DEPTOR: variants seen among roughly 807,000 people sequenced by gnomAD.
DEPTOR encodes DEP domain-containing mTOR-interacting protein.
DEPTOR carries 41 observed loss-of-function variants against 41.6 expected under a neutral mutation model. The ratio of observed to expected loss-of-function variants is 0.98; its 90% CI spans 0.77 to 1.28. The LOEUF (loss-of-function observed/expected upper bound fraction) is 1.28, where lower values mean the gene tolerates loss of function less well. Among genes scored for constraint, DEPTOR ranks in the 50% most tolerant of loss-of-function variants. The probability of loss-of-function intolerance (pLI) is 0.00; values close to 1 mark genes in which losing one functional copy is unlikely to be tolerated. For synonymous variants in DEPTOR, 195 were observed against 192.3 expected, an observed-to-expected ratio of 1.01 and a Z score of -0.12; for missense variants, 514 against 527.9, an observed-to-expected ratio of 0.97 and a Z score of 0.26.
At chr8:120,012,377 G>A (rs769611220) in intron 8 of DEPTOR, among the ~76,000 whole-genome samples, 6 of 152,118 alleles carry the variant, frequency 3.9e-5, no homozygotes, top group Non-Finnish European at 8.8e-5. Flanking sequence ...TATAAACACT[G>A]TACAGCATGT....
intron 2 of DEPTOR, among the ~76,000 whole-genome samples, chr8:119,929,552 C>T (rs760154938): frequency 5.7e-4 from 86 of 152,028 alleles, no homozygotes; most frequent in Middle Eastern, 3.2e-3. Context: ...ATTGTGTGAA[C>T]TTCCTAAATA....
At chr8:120,008,924 T>A in intron 7 of DEPTOR, 105 bp from the exon 8 acceptor site, 11 of 984,992 alleles carry the variant, frequency 1.1e-5, no homozygotes, top group Non-Finnish European at 1.7e-5. Flanking sequence ...GAGGAAAATA[T>A]GTCACAGTGT....
chr8:119,917,740 TA>T (rs1489268480), intron 1 of DEPTOR, among the ~76,000 whole-genome samples: 1 of 152,110 alleles, frequency 6.6e-6, no homozygotes, highest in Non-Finnish European at 1.5e-5. Flanking sequence ...GGAGGATTAG[TA>T]AAAGAGGAAG....
At chr8:120,005,196 C>G (rs1212060130) in intron 6 of DEPTOR, among the ~76,000 whole-genome samples, 1 of 152,128 alleles carries the variant, frequency 6.6e-6, no homozygotes, top group Non-Finnish European at 1.5e-5. Context: ...AGTTACCTGA[C>G]AGGGAATAAA....
intron 1 of DEPTOR, among the ~76,000 whole-genome samples, chr8:119,919,692 C>T (rs1827865944): frequency 6.6e-6 from 1 of 152,172 alleles, no homozygotes; most frequent in Non-Finnish European, 1.5e-5. Context: ...TAAAGCATAT[C>T]TATGTCAGTA....
intron 8 of DEPTOR, among the ~76,000 whole-genome samples, chr8:120,029,518 C>T (rs560712054): frequency 6.6e-5 from 10 of 152,188 alleles, no homozygotes; most frequent in African/African-American, 2.4e-4. Context: ...GTCTCAGCCA[C>T]CGAAATAGCT....
intron 8 of DEPTOR, among the ~76,000 whole-genome samples, chr8:120,022,602 T>A (rs1307892487): frequency 6.6e-6 from 1 of 152,196 alleles, no homozygotes; most frequent in African/African-American, 2.4e-5. Flanking sequence ...TCCAAATAAC[T>A]AGTGTGAGGC....
At chr8:119,947,411 T>C in intron 3 of DEPTOR, among the ~76,000 whole-genome samples, 1 of 152,212 alleles carries the variant, frequency 6.6e-6, no homozygotes, top group East Asian at 1.9e-4. Flanking sequence ...TAGTCCATGC[T>C]GAGATGGTTG....
intron 1 of DEPTOR, among the ~76,000 whole-genome samples, chr8:119,928,151 G>A (rs1296642789): frequency 1.3e-5 from 2 of 152,050 alleles, no homozygotes; most frequent in African/African-American, 4.8e-5. Context: ...TCTCAGGAGT[G>A]GCAGGAGGGT....
At chr8:120,016,266 C>G (rs1812609750) in intron 8 of DEPTOR, among the ~76,000 whole-genome samples, 1 of 151,996 alleles carries the variant, frequency 6.6e-6, no homozygotes. Context: ...TACCATCACA[C>G]TGGGGGTTAG....
At chr8:119,995,345 G>C (rs1812242421) in intron 4 of DEPTOR, among the ~76,000 whole-genome samples, 1 of 152,116 alleles carries the variant, frequency 6.6e-6, no homozygotes, top group South Asian at 2.1e-4. Context: ...CCAGCACTTT[G>C]GGAGGCAAGG....
chr8:120,011,795 T>C (rs529422029), intron 8 of DEPTOR, among the ~76,000 whole-genome samples: 1 of 152,366 alleles, frequency 6.6e-6, no homozygotes, highest in South Asian at 2.1e-4. Context: ...TTTTACCTGA[T>C]ATATTTTTTC....
chr8:119,996,101 C>T (rs146621911), intron 4 of DEPTOR, among the ~76,000 whole-genome samples: 3 of 152,240 alleles, frequency 2.0e-5, no homozygotes, highest in African/African-American at 7.2e-5. Flanking sequence ...AACTCGATTC[C>T]ATCTGTGCCA....
At chr8:119,901,449 G>A (rs1160619201) in intron 1 of DEPTOR, among the ~76,000 whole-genome samples, 1 of 152,048 alleles carries the variant, frequency 6.6e-6, no homozygotes, top group Non-Finnish European at 1.5e-5. Context: ...GGCTGAGGTG[G>A]GCGGATCACG....
At chr8:119,881,983 C>G (rs927690351) in intron 1 of DEPTOR, among the ~76,000 whole-genome samples, 6 of 152,266 alleles carry the variant, frequency 3.9e-5, no homozygotes, top group African/African-American at 1.4e-4. Flanking sequence ...CTCTGCCTCC[C>G]AGGTTCGAGT....
chr8:120,028,807 G>A (rs1812841244), intron 8 of DEPTOR, among the ~76,000 whole-genome samples: 2 of 151,576 alleles, frequency 1.3e-5, no homozygotes, highest in Admixed American at 6.6e-5. Context: ...TATTGCAGCC[G>A]GGCACAGTGG....
chr8:119,960,154 G>C (rs984527759), intron 3 of DEPTOR, among the ~76,000 whole-genome samples: 2 of 151,796 alleles, frequency 1.3e-5, no homozygotes, highest in African/African-American at 4.8e-5. Flanking sequence ...AAGCTGCAAG[G>C]CAGAGGTTGC....
At chr8:119,944,300 TTTTTG>T (rs1364469699) in intron 3 of DEPTOR, among the ~76,000 whole-genome samples, 1 of 152,314 alleles carries the variant, frequency 6.6e-6, no homozygotes, top group East Asian at 1.9e-4. Flanking sequence ...CCACTTGCTC[TTTTTG>T]TTTTGTTTTG....
intron 4 of DEPTOR, among the ~76,000 whole-genome samples, chr8:119,975,348 GA>G (rs1248323415): frequency 1.3e-5 from 2 of 151,962 alleles, no homozygotes; most frequent in South Asian, 4.2e-4. Flanking sequence ...ATGGCATTAA[GA>G]AAAAAATTAT....
Sources: gnomAD v4.1 joint callset for allele counts (sites outside exome capture counted in the v4.1 genomes callset) on GRCh38, gnomAD v4.1.1 for gene constraint, MANE v1.5 for transcripts, NCBI Gene and HGNC (gene_info 2026-07-23, HGNC 2026-07-21) for gene names.